The following YPEL1 variants were observed in gnomAD, a reference collection of about 807,000 sequenced individuals.
YPEL1 encodes protein yippee-like 1.
YPEL1 carries 7 observed loss-of-function variants against 17.3 expected under a neutral mutation model. The observed-to-expected ratio is 0.40, with a 90% CI of 0.23 to 0.76. The LOEUF (loss-of-function observed/expected upper bound fraction) is 0.76. Among genes scored for constraint, YPEL1 ranks in the 30% least tolerant of loss-of-function variants. The pLI is 0.35. For missense variants in YPEL1, 91 were observed against 155.5 expected, an observed-to-expected ratio of 0.59 and a Z score of 2.21; for synonymous variants, 59 against 59.6, an observed-to-expected ratio of 0.99 and a Z score of 0.05.
intron 1 of YPEL1, among the ~76,000 whole-genome samples, chr22:21,712,337 T>C (rs1478467873): frequency 1.3e-5 from 2 of 149,462 alleles, no homozygotes; most frequent in Non-Finnish European, 3.0e-5. Context: ...TATATCCATA[T>C]TCTCTATATA....
rs1046573701 is a variant in YPEL1 at position 21,703,714 on chromosome 22, G to GA, written c.161+124_161+125insT. The GA allele has an allele frequency of 3.7e-5, 42 of 1,120,242 alleles. No homozygotes were observed. The highest frequency in any genetic ancestry group is 4.7e-5 in the Non-Finnish European group (37 of 789,170). 69.4% of individuals were successfully genotyped at this position (1,120,242 alleles called of 1,614,324 possible). A position where few individuals can be genotyped will look rare whatever the true frequency, so the allele number is the denominator to read the frequency against. ...AGCGCGTTTCAGAAACTCCCGGCGG[G>GA]GGGATGGTGGGTTCTTTCAGGACCC... On this transcript the variant is annotated intron_variant, in intron 3 of 4. Transcript: ENST00000339468. The surrounding 1 kb of genome is among the most constrained non-coding windows in gnomAD (Gnocchi z 6.1).
intron 1 of YPEL1, among the ~76,000 whole-genome samples, chr22:21,712,902 A>G (rs2068184479): frequency 6.6e-6 from 1 of 152,008 alleles, no homozygotes; most frequent in South Asian, 2.1e-4. Flanking sequence ...TATTTAAGAA[A>G]CTCCTACAAC....
intron 1 of YPEL1, among the ~76,000 whole-genome samples, chr22:21,718,391 G>A (rs2068249012): frequency 6.6e-6 from 1 of 152,030 alleles, no homozygotes; most frequent in Non-Finnish European, 1.5e-5. Flanking sequence ...CGTGAACTCA[G>A]GAGGTGGAGC....
intron 1 of YPEL1, among the ~76,000 whole-genome samples, chr22:21,717,597 A>T (rs1601634957): frequency 6.6e-6 from 1 of 152,198 alleles, no homozygotes; most frequent in Non-Finnish European, 1.5e-5. Flanking sequence ...ACAGTCCTAA[A>T]GCAGGATAAA....
intron 4 of YPEL1, among the ~76,000 whole-genome samples, chr22:21,702,930 T>C (rs2068079685): frequency 6.6e-6 from 1 of 152,006 alleles, no homozygotes. Flanking sequence ...AAGAGGGATT[T>C]GGGGTAAAGA....
In YPEL1 at chr22:21,703,172, ATCACT is replaced by A. The variant is rs1210626021; in HGVS notation, c.270+193_270+197del. ...TTTGTTTTTTGTTTTGGGTTGGGGT[ATCACT>A]GTCACCCAGGCTGGAGGGCAGTGGT... is the stretch of plus-strand genomic sequence containing the variant. On this transcript the variant is annotated intron_variant, in intron 4 of 4. Coordinates refer to ENST00000339468, the MANE Select transcript of YPEL1 (RefSeq NM_013313.5). This position sits in a 1 kb window ranked among gnomAD's most constrained non-coding sequence, Gnocchi z 6.1. Among the ~76,000 whole-genome samples, 2 of 152,070 alleles carry A rather than the reference ATCACT, an allele frequency of 1.3e-5. No individual in the cohort carries two copies. The highest frequency in any genetic ancestry group is 4.8e-5 in the African/African-American group (2 of 41,414).
intron 1 of YPEL1, among the ~76,000 whole-genome samples, chr22:21,719,780 C>T (rs1005818284): frequency 6.6e-6 from 1 of 152,034 alleles, no homozygotes; most frequent in East Asian, 1.9e-4. Context: ...GGAATCCCAG[C>T]ACTTTGGGAG....
At chr22:21,712,166 C>T (rs912797682) in intron 1 of YPEL1, among the ~76,000 whole-genome samples, 2 of 152,000 alleles carry the variant, frequency 1.3e-5, no homozygotes, top group South Asian at 4.1e-4. Flanking sequence ...CAGAGTGAAA[C>T]CCTGTCTCTA....
At chr22:21,711,721 CAAAAT>C (rs1292476633) in intron 1 of YPEL1, among the ~76,000 whole-genome samples, 4 of 152,112 alleles carry the variant, frequency 2.6e-5, no homozygotes, top group Admixed American at 6.6e-5. Flanking sequence ...CAAATTAACT[CAAAAT>C]AAAAGACCTA....
At chr22:21,734,336 G>A (rs1315613019) in intron 1 of YPEL1, among the ~76,000 whole-genome samples, 2 of 152,226 alleles carry the variant, frequency 1.3e-5, no homozygotes, top group East Asian at 3.8e-4. Context: ...ATTGGCAAGT[G>A]TACCACAGCA....
chr22:21,705,446 C>A (rs929909471), intron 2 of YPEL1, among the ~76,000 whole-genome samples: 1 of 152,206 alleles, frequency 6.6e-6, no homozygotes, highest in African/African-American at 2.4e-5. Flanking sequence ...AGGAAAGCAA[C>A]ATTTCTGTAT....
At chr22:21,727,766 C>T (rs1356089620) in intron 1 of YPEL1, among the ~76,000 whole-genome samples, 2 of 152,172 alleles carry the variant, frequency 1.3e-5, no homozygotes, top group East Asian at 3.9e-4. Context: ...GGGTCGTCGC[C>T]CCATCCCTGG....
intron 2 of YPEL1, among the ~76,000 whole-genome samples, chr22:21,705,679 A>C (rs5994805): frequency 0.018 from 2,697 of 152,298 alleles, 28 homozygotes; most frequent in South Asian, 0.038. Flanking sequence ...ATGTGACAGG[A>C]ATGGTCACAG....
chr22:21,714,463 C>T (rs746429833), intron 1 of YPEL1, among the ~76,000 whole-genome samples: 21 of 152,226 alleles, frequency 1.4e-4, no homozygotes, highest in Non-Finnish European at 2.2e-4. Context: ...TCTCTGCTGA[C>T]GTGCAGCCAA....
intron 2 of YPEL1, among the ~76,000 whole-genome samples, chr22:21,706,617 G>C (rs1439492257): frequency 6.6e-6 from 1 of 152,006 alleles, no homozygotes; most frequent in Non-Finnish European, 1.5e-5. Context: ...AGGCCAGGGT[G>C]GGTGGATCAC....
intron 1 of YPEL1, among the ~76,000 whole-genome samples, chr22:21,735,366 G>A (rs1357137880): frequency 6.6e-6 from 1 of 152,166 alleles, no homozygotes. Flanking sequence ...GACAGCGGGG[G>A]AGGTGGAGAG....
In YPEL1 at chr22:21,703,710, G is replaced by GGGA. The variant is rs555944553; in HGVS notation, c.161+128_161+129insTCC. On this transcript the variant is annotated intron_variant, in intron 3 of 4. Transcript: ENST00000339468. This position sits in a 1 kb window ranked among gnomAD's most constrained non-coding sequence, Gnocchi z 6.1. ...CCTTAGCGCGTTTCAGAAACTCCCG[G>GGGA]CGGGGGGATGGTGGGTTCTTTCAGG... 282 of 1,057,240 alleles carry GGGA rather than the reference G, an allele frequency of 2.7e-4. 1 individual carries two copies. Among genetic ancestry groups the GGGA allele is most frequent in the African/African-American group, 2.1e-3 (132 of 62,568 alleles). The allele number at this position is 1,057,240 out of a possible 1,614,324, so 65.5% of individuals were successfully genotyped here. A position where few individuals can be genotyped will look rare whatever the true frequency, so the allele number is the denominator to read the frequency against.
rs1432369954 is a variant in YPEL1 at position 21,718,331 on chromosome 22, G to A, written c.-164-7423C>T. 2.0e-5 allele frequency among the ~76,000 whole-genome samples: 3 copies of A among 151,816 alleles called. No homozygotes were observed. In the South Asian group the frequency reaches 6.2e-4, roughly 32 times the overall value. ...ACAAAAAAAATTAGTGGGGCGTGGT[G>A]GTGGGCACCTGTAGTCCCAGCTACT... On this transcript the variant is annotated intron_variant, in intron 1 of 4. Transcript: ENST00000339468.
intron 1 of YPEL1, among the ~76,000 whole-genome samples, chr22:21,732,976 C>T (rs1238382578): frequency 1.3e-5 from 2 of 151,876 alleles, no homozygotes; most frequent in Non-Finnish European, 2.9e-5. Context: ...TATAGCTGGG[C>T]ATGGTGGTGC....
Sources: allele counts gnomAD v4.1 joint callset (sites outside exome capture counted in the v4.1 genomes callset), GRCh38; gene constraint gnomAD v4.1.1; non-coding constraint Gnocchi (gnomAD v3.1); transcripts MANE v1.5; gene names NCBI Gene and HGNC (gene_info 2026-07-23, HGNC 2026-07-21).